The following ZNF704 variants were observed in gnomAD, a reference collection of about 807,000 sequenced individuals.
ZNF704 encodes zinc finger protein 704.
Under a neutral mutation model 44.7 loss-of-function variants are expected in ZNF704, and 10 were observed. That is an observed-to-expected ratio of 0.22 (90% CI 0.14 to 0.38). The LOEUF (loss-of-function observed/expected upper bound fraction) is 0.38, where lower values mean the gene tolerates loss of function less well. ZNF704 is among the 10% of genes least tolerant of loss of function. The pLI is 1.00. For synonymous variants in ZNF704, 211 were observed against 207.6 expected, an observed-to-expected ratio of 1.02 and a Z score of -0.14; for missense variants, 390 against 545.5, an observed-to-expected ratio of 0.71 and a Z score of 2.84.
At chr8:80,882,883 CCTTT>C in the ZNF704 span, among the ~76,000 whole-genome samples, 822 of 151,956 alleles carry the variant, frequency 5.4e-3, 19 homozygotes, top group Non-Finnish European at 2.5e-3. Flanking sequence ...TGCTTACATG[CCTTT>C]CTTTCTGTAT....
Position 80,664,101 on chromosome 8 carries a change from AT to A in ZNF704, c.927+713del, listed in dbSNP as rs199813467. ...TTTTGAGGGCTTTGCAACATTAGGGATTTTTTTTGTTTTTGAAACAGAGTCT... is the reference window on the plus strand; with the variant it reads ...TTTTGAGGGCTTTGCAACATTAGGGATTTTTTTGTTTTTGAAACAGAGTCT... On this transcript the variant is annotated intron_variant, in intron 6 of 8. Coordinates refer to ENST00000327835, the MANE Select transcript of ZNF704 (RefSeq NM_001033723.3). 2.0e-3 allele frequency among the ~76,000 whole-genome samples: 291 copies of A among 148,140 alleles called. 3 individuals are homozygous for A. In the East Asian group the frequency reaches 0.055, roughly 28 times the overall value.
chr8:80,822,215 C>T (rs1235236520), intron 1 of ZNF704, among the ~76,000 whole-genome samples: 2 of 152,116 alleles, frequency 1.3e-5, no homozygotes, highest in East Asian at 3.9e-4. Context: ...TGGTGTGCTG[C>T]ACCCGTTAAC....
At chr8:80,792,045 G>A (rs1381034730) in intron 2 of ZNF704, among the ~76,000 whole-genome samples, 2 of 152,152 alleles carry the variant, frequency 1.3e-5, no homozygotes, top group African/African-American at 4.8e-5. Context: ...CACAGCCCTG[G>A]GGGCACATCT....
At chr8:80,842,494 GA>G (rs377401495) in intron 1 of ZNF704, among the ~76,000 whole-genome samples, 1 of 152,138 alleles carries the variant, frequency 6.6e-6, no homozygotes, top group Non-Finnish European at 1.5e-5. Flanking sequence ...CACACACAGA[GA>G]AAAAAGAAGT....
At chr8:80,834,959 G>A (rs1013225886) in intron 1 of ZNF704, among the ~76,000 whole-genome samples, 1 of 152,124 alleles carries the variant, frequency 6.6e-6, no homozygotes, top group African/African-American at 2.4e-5. Context: ...TTGGTTCCAA[G>A]TCTTTGCTAT....
At chr8:80,819,396 C>T (rs1441615851) in intron 2 of ZNF704, among the ~76,000 whole-genome samples, 1 of 152,102 alleles carries the variant, frequency 6.6e-6, no homozygotes, top group African/African-American at 2.4e-5. Context: ...TAAAGGTATA[C>T]TTAAAACAAC....
intron 2 of ZNF704, among the ~76,000 whole-genome samples, chr8:80,809,699 A>G (rs1808052574): frequency 6.6e-6 from 1 of 152,232 alleles, no homozygotes; most frequent in Admixed American, 6.5e-5. Context: ...TAGTACATTT[A>G]TTTACAACAC....
At position 80,738,927 on chromosome 8, in the gene ZNF704, G is replaced by GA. The variant is rs1314083610; in HGVS notation, c.222-45821dup. ...ATGCTCAGACCCAGGGATGAAATCT[G>GA]AGATATGACAGGGCTCACACCAGCA... On this transcript the variant is annotated intron_variant, in intron 2 of 8. Transcript: ENST00000327835. 4.6e-5 allele frequency among the ~76,000 whole-genome samples: 7 copies of GA among 152,278 alleles called. No homozygotes were observed. The East Asian group carries it at 1.4e-3, about 29-fold the overall frequency.
intron 6 of ZNF704, among the ~76,000 whole-genome samples, chr8:80,661,882 G>A (rs1225553402): frequency 6.6e-6 from 1 of 152,122 alleles, no homozygotes; most frequent in Non-Finnish European, 1.5e-5. Context: ...TGATAGCAGA[G>A]TAGGATGGCT....
Position 80,760,087 on chromosome 8 carries a change from G to A in ZNF704, c.221+61287C>T, listed in dbSNP as rs1807102617. On this transcript the variant is annotated intron_variant, in intron 2 of 8. Transcript: ENST00000327835. ...TGACACTTTAACTTTAGGCCCATGA[G>A]AAAGACCCTGATGAGCAGTTGACCC... Among the ~76,000 whole-genome samples the A allele has an allele frequency of 2.6e-5, 4 of 152,104 alleles. No homozygotes were observed. The South Asian group carries it at 8.3e-4, about 32-fold the overall frequency.
intron 1 of ZNF704, among the ~76,000 whole-genome samples, chr8:80,842,893 T>C (rs908668328): frequency 1.3e-5 from 2 of 152,166 alleles, no homozygotes; most frequent in Admixed American, 6.5e-5. Context: ...ACAGCAGCAA[T>C]CTTTCTTAAA....
chr8:80,847,635 G>T (rs1046764293), intron 1 of ZNF704, among the ~76,000 whole-genome samples: 5 of 152,162 alleles, frequency 3.3e-5, no homozygotes, highest in Non-Finnish European at 4.4e-5. Flanking sequence ...CAATGAAACA[G>T]AACAGAGGAC....
At chr8:80,708,168 C>T (rs549684338) in intron 2 of ZNF704, among the ~76,000 whole-genome samples, 5 of 152,238 alleles carry the variant, frequency 3.3e-5, no homozygotes, top group Non-Finnish European at 5.9e-5. Context: ...AAAATTTGTT[C>T]GTAATAGATC....
intron 4 of ZNF704, among the ~76,000 whole-genome samples, chr8:80,686,318 A>C (rs1230124713): frequency 6.6e-6 from 1 of 152,222 alleles, no homozygotes; most frequent in African/African-American, 2.4e-5. Context: ...GGGAGGATTA[A>C]ACAAATGTGT....
chr8:80,866,530 A>T (rs1809157383), intron 1 of ZNF704, among the ~76,000 whole-genome samples: 1 of 152,214 alleles, frequency 6.6e-6, no homozygotes. Flanking sequence ...AGAAAGTCTA[A>T]GGGAAATCAT....
chr8:80,712,973 G>A (rs900846699), intron 2 of ZNF704, among the ~76,000 whole-genome samples: 4 of 151,508 alleles, frequency 2.6e-5, no homozygotes, highest in African/African-American at 4.8e-5. Flanking sequence ...TCGGCTCACC[G>A]CAATGTTCAC....
intron 1 of ZNF704, among the ~76,000 whole-genome samples, chr8:80,848,017 C>T (rs1017995794): frequency 1.3e-5 from 2 of 152,106 alleles, no homozygotes; most frequent in African/African-American, 4.8e-5. Context: ...TATCCCCAAC[C>T]CACATGTCCT....
At chr8:80,822,276 C>CG (rs1808287774) in intron 1 of ZNF704, among the ~76,000 whole-genome samples, 1 of 151,532 alleles carries the variant, frequency 6.6e-6, no homozygotes, top group African/African-American at 2.4e-5. Context: ...CCCCCCCGCC[C>CG]CCAACCCATG....
intron 1 of ZNF704, among the ~76,000 whole-genome samples, chr8:80,844,312 G>T (rs1586069936): frequency 6.6e-6 from 1 of 152,126 alleles, no homozygotes; most frequent in African/African-American, 2.4e-5. Flanking sequence ...CAGCAGATTG[G>T]GTGTCTGGTA....
Sources: allele counts gnomAD v4.1 joint callset (sites outside exome capture counted in the v4.1 genomes callset), GRCh38; gene constraint gnomAD v4.1.1; transcripts MANE v1.5; gene names NCBI Gene and HGNC (gene_info 2026-07-23, HGNC 2026-07-21).